ANO2: variants seen among roughly 807,000 people sequenced by gnomAD.
The protein encoded by ANO2 is anoctamin 2.
In ANO2, 101 loss-of-function variants were observed where a neutral mutation model predicts 124.2. The observed-to-expected ratio is 0.81, with a 90% CI of 0.69 to 0.96. The LOEUF is 0.96. ANO2 is among the 40% of genes least tolerant of loss of function. ANO2 has a pLI of 0.00. For missense variants in ANO2, 1,293 were observed against 1,274.5 expected (o/e 1.01, Z -0.22); for synonymous variants, 486 against 482.5 (o/e 1.01, Z -0.09).
intron 10 of ANO2, among the ~76,000 whole-genome samples, chr12:5,768,196 T>C (rs1483882817): frequency 6.6e-6 from 1 of 152,190 alleles, no homozygotes; most frequent in African/African-American, 2.4e-5. Flanking sequence ...CTCCCCTTGC[T>C]TCCAAACCCA....
At chr12:5,742,218 A>C (rs1541530) in intron 12 of ANO2, among the ~76,000 whole-genome samples, 152,220 of 152,282 alleles carry the variant, frequency 1, 76,079 homozygotes, top group Middle Eastern at 1. Context: ...TGGGCCCTGA[A>C]CCAGGCCCAC....
intron 14 of ANO2, among the ~76,000 whole-genome samples, chr12:5,676,942 T>C (rs2136995238): frequency 6.6e-6 from 1 of 152,158 alleles, no homozygotes; most frequent in Admixed American, 6.5e-5. Flanking sequence ...TAATCCCAGC[T>C]ACTTGGGAGG....
intron 9 of ANO2, among the ~76,000 whole-genome samples, chr12:5,805,144 A>G (rs1953153377): frequency 6.6e-6 from 1 of 152,186 alleles, no homozygotes; most frequent in Non-Finnish European, 1.5e-5. Flanking sequence ...AGCAATCACC[A>G]CAGTATTTCT....
intron 14 of ANO2, among the ~76,000 whole-genome samples, chr12:5,731,013 G>A (rs1950611056): frequency 6.6e-6 from 1 of 152,184 alleles, no homozygotes. Context: ...CCCAAGCAAT[G>A]TTTATATTAG....
At chr12:5,938,809 G>A (rs1396418441) in intron 1 of ANO2, among the ~76,000 whole-genome samples, 1 of 151,760 alleles carries the variant, frequency 6.6e-6, no homozygotes, top group Non-Finnish European at 1.5e-5. Flanking sequence ...TGGGCGACAA[G>A]AGCAAAACTC....
intron 7 of ANO2, among the ~76,000 whole-genome samples, chr12:5,812,974 A>AGGGAGGG (rs1491317188): frequency 2.9e-5 from 4 of 139,726 alleles, no homozygotes; most frequent in Non-Finnish European, 1.5e-5. Flanking sequence ...GGGAGGGAGG[A>AGGGAGGG]AGGAAGGAAG....
intron 14 of ANO2, among the ~76,000 whole-genome samples, chr12:5,712,944 T>C (rs901854378): frequency 6.6e-6 from 1 of 152,170 alleles, no homozygotes; most frequent in African/African-American, 2.4e-5. Context: ...TAGAGCCTTG[T>C]GGGTAAAGCC....
intron 13 of ANO2, among the ~76,000 whole-genome samples, chr12:5,733,665 G>A (rs999404954): frequency 6.6e-6 from 1 of 152,180 alleles, no homozygotes; most frequent in Non-Finnish European, 1.5e-5. Context: ...CATGATGCAG[G>A]AGAGGACAGA....
At chr12:5,594,039 T>C (rs1443127760) in intron 20 of ANO2, among the ~76,000 whole-genome samples, 1 of 152,132 alleles carries the variant, frequency 6.6e-6, no homozygotes, top group Non-Finnish European at 1.5e-5. Flanking sequence ...CTTAATAAAA[T>C]ATGAAATAAA....
chr12:5,935,962 G>A (rs1942631487), intron 1 of ANO2, among the ~76,000 whole-genome samples: 1 of 152,152 alleles, frequency 6.6e-6, no homozygotes, highest in Non-Finnish European at 1.5e-5. Context: ...ACCACTATTT[G>A]GGTGGATTTA....
chr12:5,663,944 A>C (rs1012736099), intron 14 of ANO2, among the ~76,000 whole-genome samples: 7 of 152,206 alleles, frequency 4.6e-5, no homozygotes, highest in African/African-American at 1.4e-4. Flanking sequence ...CAGGATGCTT[A>C]GTGTTCTAAC....
chr12:5,745,581 C>T (rs1417487568), intron 11 of ANO2, among the ~76,000 whole-genome samples: 4 of 152,198 alleles, frequency 2.6e-5, no homozygotes, highest in East Asian at 3.8e-4. Flanking sequence ...CTCTTTCCCC[C>T]TTCATTAAGA....
chr12:5,934,480 C>T (rs1198686337), intron 1 of ANO2, among the ~76,000 whole-genome samples: 4 of 152,162 alleles, frequency 2.6e-5, no homozygotes, highest in Non-Finnish European at 4.4e-5. Flanking sequence ...AGAATGTAAT[C>T]GAATGAGAAA....
intron 4 of ANO2, 93 bp from the exon 5 acceptor site, chr12:5,832,696 C>T (rs1954195135): frequency 1.5e-6 from 2 of 1,349,810 alleles, no homozygotes; most frequent in East Asian, 2.5e-5. Flanking sequence ...CACAGATTCC[C>T]AGAGGTGAAC....
At chr12:5,732,308 G>A (rs917821412) in intron 14 of ANO2, among the ~76,000 whole-genome samples, 1 of 151,982 alleles carries the variant, frequency 6.6e-6, no homozygotes, top group East Asian at 1.9e-4. Flanking sequence ...AGATAGCACC[G>A]CTATCTGGAA....
intron 20 of ANO2, among the ~76,000 whole-genome samples, chr12:5,590,364 T>C (rs1943335104): frequency 6.6e-6 from 1 of 152,098 alleles, no homozygotes; most frequent in African/African-American, 2.4e-5. Flanking sequence ...GCCTACTGGA[T>C]GGGAGGCACA....
intron 14 of ANO2, among the ~76,000 whole-genome samples, chr12:5,700,695 G>A (rs1379889869): frequency 1.3e-5 from 2 of 152,078 alleles, no homozygotes; most frequent in African/African-American, 2.4e-5. Flanking sequence ...GCACCAGCAA[G>A]ACTAATAAAG....
chr12:5,804,552 C>T (rs905176785), intron 9 of ANO2, among the ~76,000 whole-genome samples: 3 of 152,144 alleles, frequency 2.0e-5, no homozygotes, highest in Admixed American at 1.3e-4. Context: ...GATGCAATTC[C>T]ATCCTGGCTG....
chr12:5,603,708 A>G (rs539352023), intron 19 of ANO2, among the ~76,000 whole-genome samples: 2 of 152,132 alleles, frequency 1.3e-5, no homozygotes, highest in Non-Finnish European at 2.9e-5. Flanking sequence ...CACTTTGGGA[A>G]GCCGAGGCGG....
Sources: gnomAD v4.1 joint callset for allele counts (sites outside exome capture counted in the v4.1 genomes callset) on GRCh38, gnomAD v4.1.1 for gene constraint, MANE v1.5 for transcripts, NCBI Gene and HGNC (gene_info 2026-07-23, HGNC 2026-07-21) for gene names.